TUT4: variants seen among roughly 807,000 people sequenced by gnomAD.
The protein encoded by TUT4 is terminal uridylyl transferase 4.
A neutral mutation model predicts 192.2 loss-of-function variants in TUT4; 36 were observed. The observed-to-expected ratio is 0.19, with a 90% confidence interval of 0.14 to 0.25. The LOEUF is 0.25. Ranked by LOEUF, TUT4 falls within the 10% of genes least tolerant of loss-of-function variation. TUT4 has a pLI of 1.00. For missense variants in TUT4, 1,493 were observed against 1,957.2 expected, an observed-to-expected ratio of 0.76 and a Z score of 4.47; for synonymous variants, 618 against 666.0, an observed-to-expected ratio of 0.93 and a Z score of 1.11.
At chr1:52,463,756 A>T in intron 16 of TUT4, 1 of 1,304,180 alleles carries the variant, frequency 7.7e-7, no homozygotes, top group South Asian at 1.2e-5. Context: ...AGCTTGGACA[A>T]TCTCCTTCCC....
intron 4 of TUT4, among the ~76,000 whole-genome samples, chr1:52,504,876 A>G (rs1305660688): frequency 6.6e-6 from 1 of 152,136 alleles, no homozygotes; most frequent in Non-Finnish European, 1.5e-5. Context: ...TAATTTCCCA[A>G]GGTTCATCCA....
At chr1:52,429,962 G>T (rs919226045) in intron 28 of TUT4, among the ~76,000 whole-genome samples, 2 of 151,770 alleles carry the variant, frequency 1.3e-5, no homozygotes, top group Non-Finnish European at 2.9e-5. Context: ...GTGTGTCTAT[G>T]TATTTTAAAG....
chr1:52,470,342 G>A (rs1665393931), intron 14 of TUT4, among the ~76,000 whole-genome samples: 1 of 151,946 alleles, frequency 6.6e-6, no homozygotes, highest in Non-Finnish European at 1.5e-5. Context: ...CCACATTGAG[G>A]TAAATAAATT....
intron 4 of TUT4, among the ~76,000 whole-genome samples, chr1:52,506,592 A>ATT (rs1235350657): frequency 1.3e-5 from 2 of 152,156 alleles, no homozygotes; most frequent in Non-Finnish European, 2.9e-5. Flanking sequence ...TTGATGTACT[A>ATT]TTATTCCTAC....
At chr1:52,478,702 G>GA (rs1228218169) in intron 11 of TUT4, among the ~76,000 whole-genome samples, 1 of 152,156 alleles carries the variant, frequency 6.6e-6, no homozygotes, top group Non-Finnish European at 1.5e-5. Flanking sequence ...CTAATCAGGG[G>GA]AATCATAACA....
intron 3 of TUT4, chr1:52,515,598 G>C (rs1052196732): frequency 2.4e-5 from 12 of 492,562 alleles, no homozygotes; most frequent in Admixed American, 3.7e-5. Context: ...ACCAAAAACG[G>C]TGGGGAGACT....
intron 1 of TUT4, among the ~76,000 whole-genome samples, chr1:52,534,257 T>G (rs574541169): frequency 6.6e-6 from 1 of 152,320 alleles, no homozygotes; most frequent in Non-Finnish European, 1.5e-5. Context: ...GCTCTGCCAG[T>G]TCCTGAGGGC....
intron 28 of TUT4, among the ~76,000 whole-genome samples, chr1:52,430,198 T>C (rs1354238527): frequency 6.6e-6 from 1 of 152,018 alleles, no homozygotes; most frequent in Non-Finnish European, 1.5e-5. Flanking sequence ...TGAGAAAAAA[T>C]AGTGTCTAGG....
Position 52,516,004 on chromosome 1 carries a change from A to C in TUT4, c.769T>G (p.Tyr257Asp). 6.2e-7 allele frequency: 1 copy of C among 1,613,602 alleles called. No individual in the cohort carries two copies. The change falls in exon 3 of 30, where the codon TAC (tyrosine) becomes GAC (aspartate). Residue 257 changes from tyrosine (Y) to aspartate (D), a missense_variant. This residue lies in a region of TUT4 where 437 missense variants were observed against 577.6 expected (regional missense o/e 0.76). Coordinates refer to ENST00000257177, the MANE Select transcript of TUT4 (RefSeq NM_001009881.3). Reference protein sequence around the residue: ...SNKENSSEMDYLENATVIDES... With the variant: ...SNKENSSEMDDLENATVIDES... ...TCTATCACAGTGGCATTTTCTAAGTAGTCCATCTCTGAAGAATTTTCTTTA... is the reference window on the plus strand; with the variant it reads ...TCTATCACAGTGGCATTTTCTAAGTCGTCCATCTCTGAAGAATTTTCTTTA...
At chr1:52,455,564 G>T (rs1310514337) in intron 20 of TUT4, among the ~76,000 whole-genome samples, 1 of 137,208 alleles carries the variant, frequency 7.3e-6, no homozygotes, top group Non-Finnish European at 1.5e-5. Flanking sequence ...AGCCATGATT[G>T]CACAGTCCAG....
At chr1:52,462,611 G>A in intron 16 of TUT4, 1 of 488,680 alleles carries the variant, frequency 2.0e-6, no homozygotes, top group Non-Finnish European at 2.7e-6. Context: ...GCTGTTGGGA[G>A]GATTACATGA....
intron 3 of TUT4, chr1:52,514,632 T>C (rs1442100852): frequency 6.6e-6 from 1 of 152,372 alleles, no homozygotes; most frequent in African/African-American, 2.4e-5. Context: ...AGGATTGTCT[T>C]GTTCAATCTA....
intron 4 of TUT4, among the ~76,000 whole-genome samples, chr1:52,501,631 A>G (rs1314100153): frequency 6.6e-6 from 1 of 152,190 alleles, no homozygotes; most frequent in African/African-American, 2.4e-5. Flanking sequence ...CAAATGAAAA[A>G]AGGAACTCAA....
At chr1:52,528,260 C>T (rs764043066) in intron 1 of TUT4, among the ~76,000 whole-genome samples, 3 of 150,540 alleles carry the variant, frequency 2.0e-5, no homozygotes, top group Non-Finnish European at 3.0e-5. Flanking sequence ...TTTGGGAGGC[C>T]GAGGCTGGCG....
intron 20 of TUT4, among the ~76,000 whole-genome samples, chr1:52,454,935 A>T (rs930072265): frequency 1.3e-5 from 2 of 152,264 alleles, no homozygotes; most frequent in Non-Finnish European, 2.9e-5. Context: ...TATGAATGGC[A>T]AAATAAGCAT....
In TUT4 at chr1:52,461,214, T is replaced by C. The variant is rs1662451421; in HGVS notation, c.3241A>G (p.Asn1081Asp). Residue 1081 changes from asparagine (N) to aspartate (D), a missense_variant, in exon 19 of 30, where the codon AAC (asparagine) becomes GAC (aspartate). Transcript: ENST00000257177. ...GCATAAGTAGCTAGCATTCTTGTGT[T>C]ATGTTGAGCCTGAAAAATAATTACA... The part of the protein sequence containing the change: ...ISLYNTLAQH[N>D]TRMLATYAAI... 1 of 1,605,118 alleles carries C rather than the reference T, an allele frequency of 6.2e-7. No individual in the cohort carries two copies. The highest frequency in any genetic ancestry group is 8.5e-7 in the Non-Finnish European group (1 of 1,176,240).
At chr1:52,437,049 C>T (rs2148275731) in intron 25 of TUT4, 71 bp from the exon 26 acceptor site, 1 of 1,545,972 alleles carries the variant, frequency 6.5e-7, no homozygotes, top group African/African-American at 1.4e-5. Context: ...GCAGGACTCT[C>T]ACAATAACAA....
chr1:52,529,943 A>T (rs1192986162), intron 1 of TUT4: 1 of 152,164 alleles, frequency 6.6e-6, no homozygotes, highest in South Asian at 2.1e-4. Context: ...CCTAGGCTCA[A>T]GCAATCCTCC....
rs1277488099 is a variant in TUT4 at position 52,522,062 on chromosome 1, T to C, written c.718+3501A>G. Among the ~76,000 whole-genome samples the C allele has an allele frequency of 4.4e-5, 6 of 135,968 alleles. No individual in the cohort carries two copies. The South Asian group carries it at 1.1e-3, about 25-fold the overall frequency. 89.2% of individuals were successfully genotyped at this position (135,968 alleles called of 152,430 possible). ...AATCATTAATTCAAACATTATTAATTTGGATGTTTTCATATGGGAAAAAAA... is the reference window on the plus strand; with the variant it reads ...AATCATTAATTCAAACATTATTAATCTGGATGTTTTCATATGGGAAAAAAA... On this transcript the variant is annotated intron_variant, in intron 2 of 29. Transcript: ENST00000257177.
Sources: allele counts gnomAD v4.1 joint callset (sites outside exome capture counted in the v4.1 genomes callset), GRCh38; gene constraint gnomAD v4.1.1; regional missense constraint gnomAD v4.1.1; transcripts MANE v1.5; gene names NCBI Gene and HGNC (gene_info 2026-07-23, HGNC 2026-07-21).